Variants in FMN2 observed in about 807,000 individuals in gnomAD.
FMN2 encodes formin-2.
In FMN2, 51 loss-of-function variants were observed where a neutral mutation model predicts 142.3. That is an observed-to-expected ratio of 0.36 (90% CI 0.29 to 0.45). The LOEUF is 0.45. Ranked by LOEUF, FMN2 falls within the 20% of genes least tolerant of loss-of-function variation. The pLI is 1.00. For missense variants in FMN2, 1,936 were observed against 2,122.8 expected (o/e 0.91, Z 1.73); for synonymous variants, 882 against 869.8 (o/e 1.01, Z -0.25).
At chr1:240,365,006 C>T (rs181562140) in intron 14 of FMN2, among the ~76,000 whole-genome samples, 1 of 152,274 alleles carries the variant, frequency 6.6e-6, no homozygotes, top group Non-Finnish European at 1.5e-5. Flanking sequence ...ATGCATGTAT[C>T]TATTATAAAA....
chr1:240,228,327 A>AAAAAAAAAG (rs1667404340), intron 6 of FMN2, among the ~76,000 whole-genome samples: 2 of 78,386 alleles, frequency 2.6e-5, no homozygotes, highest in Non-Finnish European at 4.6e-5. Flanking sequence ...AAAAAAAAAA[A>AAAAAAAAAG]AAAAAGAAAA....
At chr1:240,224,272 G>C (rs1667224323) in intron 6 of FMN2, among the ~76,000 whole-genome samples, 1 of 152,082 alleles carries the variant, frequency 6.6e-6, no homozygotes, top group Non-Finnish European at 1.5e-5. Context: ...AGGTTGTTCA[G>C]TTTCTATGTA....
intron 8 of FMN2, among the ~76,000 whole-genome samples, chr1:240,316,577 G>A (rs1670787040): frequency 6.6e-6 from 1 of 152,132 alleles, no homozygotes; most frequent in South Asian, 2.1e-4. Flanking sequence ...GACTCAACAG[G>A]AAATGTTGGT....
intron 15 of FMN2, among the ~76,000 whole-genome samples, chr1:240,431,046 A>G (rs1675155153): frequency 6.6e-6 from 1 of 150,932 alleles, no homozygotes; most frequent in Non-Finnish European, 1.5e-5. Context: ...GGGCAAATGG[A>G]TGTTAACATT....
rs745835449 is a variant in FMN2, at chr1:240,208,654, G to C, written c.3842G>C (p.Gly1281Ala). Reference protein sequence around the residue: ...LFGLGMNQDKGSRKQPIEPCR... With the variant: ...LFGLGMNQDKASRKQPIEPCR... The stretch of plus-strand genomic sequence containing the variant: ...GGATTAGGGATGAATCAGGACAAAG[G>C]GAGTAGGAAGCAGCCCATAGAGCCT... The change falls in exon 5 of 18, where the codon GGG becomes GCG. Residue 1281 changes from glycine to alanine, a missense_variant. Transcript: ENST00000319653. 1.9e-6 allele frequency: 3 copies of C among 1,613,762 alleles called. No individual in the cohort carries two copies. Among genetic ancestry groups the C allele is most frequent in the Admixed American group, 3.3e-5 (2 of 59,984 alleles).
chr1:240,304,966 G>C (rs553940950), intron 8 of FMN2, among the ~76,000 whole-genome samples: 4 of 152,332 alleles, frequency 2.6e-5, no homozygotes, highest in East Asian at 1.9e-4. Flanking sequence ...AACAGATTCT[G>C]CTAGTACAAT....
chr1:240,326,475 T>C (rs1414702510), intron 8 of FMN2, among the ~76,000 whole-genome samples: 3 of 151,502 alleles, frequency 2.0e-5, no homozygotes, highest in Non-Finnish European at 4.4e-5. Context: ...ATCCTTCTCT[T>C]GTATCTTTAA....
chr1:240,318,927 A>G (rs1200731403), intron 8 of FMN2, among the ~76,000 whole-genome samples: 1 of 152,176 alleles, frequency 6.6e-6, no homozygotes, highest in Non-Finnish European at 1.5e-5. Flanking sequence ...GTTTACTGGA[A>G]TGAGGATCAC....
At chr1:240,344,932 G>T (rs929951886) in intron 13 of FMN2, among the ~76,000 whole-genome samples, 17 of 152,236 alleles carry the variant, frequency 1.1e-4, no homozygotes, top group African/African-American at 3.9e-4. Flanking sequence ...ATGAGATTCT[G>T]TTTCTTTCAG....
Position 240,093,145 on chromosome 1 carries a change from G to T in FMN2, c.1036G>T (p.Asp346Tyr). ...CCCCGTGCGAGGGGCTGGGGACACG[G>T]ATGAGGAGGGTGAGGAGGATGCTTT... ...GAPVRGAGDT[D>Y]EEGEEDAFED... Residue 346 changes from aspartate (D) to tyrosine (Y), a missense_variant, in exon 1 of 18, where the codon GAT becomes TAT. Physicochemically the swap from Asp to Tyr is radical, Grantham distance 160 (BLOSUM62 -3). Transcript: ENST00000319653. 5 of 1,426,618 alleles carry T rather than the reference G, an allele frequency of 3.5e-6. No homozygotes were observed. The Middle Eastern group carries it at 9.4e-4, about 268-fold the overall frequency. The allele number at this position is 1,426,618 out of a possible 1,614,324, so 88.4% of individuals were successfully genotyped here.
intron 6 of FMN2, among the ~76,000 whole-genome samples, chr1:240,228,321 A>G (rs865992954): frequency 8.6e-5 from 8 of 93,556 alleles, no homozygotes; most frequent in African/African-American, 2.9e-4. Flanking sequence ...AAAAAAAAAA[A>G]AAAAAAAAAA....
chr1:240,117,405 A>G (rs987592346), intron 1 of FMN2, among the ~76,000 whole-genome samples: 2 of 152,154 alleles, frequency 1.3e-5, no homozygotes, highest in East Asian at 3.9e-4. Context: ...TTTCTTTTAC[A>G]ATGTTCAGTT....
chr1:240,265,079 T>C (rs1668754933), intron 7 of FMN2, among the ~76,000 whole-genome samples: 1 of 152,198 alleles, frequency 6.6e-6, no homozygotes, highest in Non-Finnish European at 1.5e-5. Context: ...GAATGAAGCA[T>C]GTGTTACCTA....
At chr1:240,291,731 T>C (rs1669800293) in intron 7 of FMN2, among the ~76,000 whole-genome samples, 1 of 148,378 alleles carries the variant, frequency 6.7e-6, no homozygotes, top group South Asian at 2.1e-4. Context: ...GCAGTTGGAA[T>C]GGATTTTTTG....
At chr1:240,356,263 A>G (rs993274386) in intron 14 of FMN2, among the ~76,000 whole-genome samples, 4 of 152,144 alleles carry the variant, frequency 2.6e-5, no homozygotes, top group Non-Finnish European at 4.4e-5. Flanking sequence ...TTACATTTTA[A>G]TTGTACTGAT....
chr1:240,094,724 G>A (rs1661140690), intron 1 of FMN2, among the ~76,000 whole-genome samples: 1 of 152,172 alleles, frequency 6.6e-6, no homozygotes, highest in Non-Finnish European at 1.5e-5. Context: ...ATAGGTTTAT[G>A]ATAAATATTT....
chr1:240,210,593 A>G (rs1310313786), intron 5 of FMN2, among the ~76,000 whole-genome samples: 1 of 152,218 alleles, frequency 6.6e-6, no homozygotes, highest in South Asian at 2.1e-4. Flanking sequence ...GCTTTTTAAA[A>G]AGATGTGTTT....
intron 15 of FMN2, among the ~76,000 whole-genome samples, chr1:240,397,688 G>T (rs546391203): frequency 6.7e-6 from 1 of 149,610 alleles, no homozygotes; most frequent in Non-Finnish European, 1.5e-5. Context: ...TATTCAGAAG[G>T]CTGAGGCATG....
chr1:240,247,502 CAAAA>C (rs113817304), intron 6 of FMN2, among the ~76,000 whole-genome samples: 1 of 108,020 alleles, frequency 9.3e-6, no homozygotes, highest in Non-Finnish European at 2.1e-5. Context: ...AACTCCATTT[CAAAA>C]AAAAAAAAAA....
Sources: allele counts gnomAD v4.1 joint callset (sites outside exome capture counted in the v4.1 genomes callset), GRCh38; gene constraint gnomAD v4.1.1; transcripts MANE v1.5; gene names NCBI Gene and HGNC (gene_info 2026-07-23, HGNC 2026-07-21).